Variants in MRAP2 observed in about 807,000 individuals in gnomAD.
The protein encoded by MRAP2 is melanocortin-2 receptor accessory protein 2.
MRAP2 carries 20 observed loss-of-function variants against 17.4 expected under a neutral mutation model. That is an observed-to-expected ratio of 1.15 (90% CI 0.81 to 1.67). The LOEUF is 1.67. Among genes scored for constraint, MRAP2 ranks in the 40% most tolerant of loss-of-function variants. The pLI, the probability that MRAP2 is intolerant of heterozygous loss-of-function variation, is 0.00. For synonymous variants in MRAP2, 96 were observed against 88.4 expected, an observed-to-expected ratio of 1.09 and a Z score of -0.48; for missense variants, 238 against 240.0, an observed-to-expected ratio of 0.99 and a Z score of 0.05.
chr6:84,111,091 T>G, the MRAP2 span, among the ~76,000 whole-genome samples: 1 of 152,238 alleles, frequency 6.6e-6, no homozygotes, highest in African/African-American at 2.4e-5. Flanking sequence ...TGAGCTGTTT[T>G]TTTGGTTCCC....
At chr6:84,093,228 A>G (rs180870881), downstream of MRAP2, among the ~76,000 whole-genome samples, 4 of 151,548 alleles carry the variant, frequency 2.6e-5, no homozygotes, top group Admixed American at 6.6e-5. Flanking sequence ...ATCACCAAAC[A>G]TAGGAGCAAA....
At chr6:84,136,794 A>G in the MRAP2 span, among the ~76,000 whole-genome samples, 29 of 152,236 alleles carry the variant, frequency 1.9e-4, no homozygotes, top group Non-Finnish European at 3.5e-4. Flanking sequence ...TAAAGACACT[A>G]GAAGTGGCTA....
chr6:84,080,427 T>G (rs1391702183), intron 3 of MRAP2, among the ~76,000 whole-genome samples: 1 of 152,238 alleles, frequency 6.6e-6, no homozygotes, highest in Non-Finnish European at 1.5e-5. Context: ...AAGTCATCAC[T>G]GATGAATCAT....
At chr6:84,139,156 G>C in the MRAP2 span, among the ~76,000 whole-genome samples, 2 of 152,162 alleles carry the variant, frequency 1.3e-5, no homozygotes, top group South Asian at 4.1e-4. Flanking sequence ...CTAAAAGTAG[G>C]AAATACATTT....
chr6:84,059,753 C>T (rs959147315), intron 2 of MRAP2, among the ~76,000 whole-genome samples: 1 of 152,170 alleles, frequency 6.6e-6, no homozygotes, highest in Non-Finnish European at 1.5e-5. Context: ...AGTGTGGTAG[C>T]TTGGCGGTGG....
intron 3 of MRAP2, among the ~76,000 whole-genome samples, chr6:84,064,969 A>G (rs1478821810): frequency 6.6e-6 from 1 of 152,120 alleles, no homozygotes; most frequent in African/African-American, 2.4e-5. Flanking sequence ...CTATTTCTAG[A>G]TATCAGGGGC....
chr6:84,107,673 T>G, the MRAP2 span, among the ~76,000 whole-genome samples: 1 of 152,204 alleles, frequency 6.6e-6, no homozygotes, highest in Non-Finnish European at 1.5e-5. Context: ...TGTGATACAG[T>G]GCTGGAGGGT....
intron 3 of MRAP2, among the ~76,000 whole-genome samples, chr6:84,073,190 G>C (rs766919662): frequency 6.6e-6 from 1 of 152,160 alleles, no homozygotes; most frequent in Non-Finnish European, 1.5e-5. Flanking sequence ...TGGCCGCCCT[G>C]CCTATATATT....
At chr6:84,110,324 A>C in the MRAP2 span, among the ~76,000 whole-genome samples, 19 of 152,220 alleles carry the variant, frequency 1.2e-4, 1 homozygote, top group East Asian at 7.7e-4. Context: ...TTTGATTTGC[A>C]TTTCTCTAAT....
the MRAP2 span, among the ~76,000 whole-genome samples, chr6:84,122,681 G>A: frequency 6.6e-6 from 1 of 152,108 alleles, no homozygotes; most frequent in African/African-American, 2.4e-5. Flanking sequence ...AGACGAGAAT[G>A]TGCACTCTCA....
the MRAP2 span, among the ~76,000 whole-genome samples, chr6:84,097,009 T>A: frequency 2.0e-5 from 3 of 152,256 alleles, no homozygotes; most frequent in Admixed American, 1.3e-4. Flanking sequence ...GTAAGCCTAC[T>A]ATGAGAACTT....
chr6:84,122,213 TATAA>T, the MRAP2 span, among the ~76,000 whole-genome samples: 1 of 152,014 alleles, frequency 6.6e-6, no homozygotes, highest in Non-Finnish European at 1.5e-5. Flanking sequence ...AAACTCATTC[TATAA>T]ATACAGTGTC....
chr6:84,064,207 C>G (rs2099493935), intron 3 of MRAP2, among the ~76,000 whole-genome samples: 1 of 150,912 alleles, frequency 6.6e-6, no homozygotes, highest in African/African-American at 2.4e-5. Flanking sequence ...ACAGCTGGAA[C>G]CCTGGAGTCT....
chr6:84,058,690 T>C (rs917263438), intron 2 of MRAP2, among the ~76,000 whole-genome samples: 1 of 152,082 alleles, frequency 6.6e-6, no homozygotes, highest in Non-Finnish European at 1.5e-5. Context: ...CGCTTGTGTT[T>C]AGAAGTTGGA....
chr6:84,047,265 A>T (rs1411519149), intron 1 of MRAP2, among the ~76,000 whole-genome samples: 1 of 152,080 alleles, frequency 6.6e-6, no homozygotes, highest in Non-Finnish European at 1.5e-5. Context: ...ATCTCAGCTC[A>T]CTGCAGTCTC....
chr6:84,140,183 CTT>C, the MRAP2 span, among the ~76,000 whole-genome samples: 1 of 152,146 alleles, frequency 6.6e-6, no homozygotes, highest in South Asian at 2.1e-4. Context: ...GTGGTGTTCT[CTT>C]TGTTTGATGC....
At chr6:84,085,812 G>C (rs1375264174) in intron 3 of MRAP2, among the ~76,000 whole-genome samples, 1 of 152,130 alleles carries the variant, frequency 6.6e-6, no homozygotes, top group Admixed American at 6.5e-5. Flanking sequence ...GGAAGAGCTT[G>C]CCAAAAACAG....
At chr6:84,045,110 A>G in intron 1 of MRAP2, 1 of 488,918 alleles carries the variant, frequency 2.0e-6, no homozygotes, top group Non-Finnish European at 2.7e-6. Context: ...CAAATACTAC[A>G]CCATTTTATA....
Position 84,050,364 on chromosome 6 carries a change from A to G in MRAP2, c.-7-4948A>G, listed in dbSNP as rs72907688. The stretch of plus-strand genomic sequence containing the variant: ...GGCAGCTTTGAGAGGGTCAAGCATG[A>G]TCCCTTGCTGGGAGGCATTGCCTTA... On this transcript the variant is annotated intron_variant, in intron 1 of 3. Coordinates refer to ENST00000257776, the MANE Select transcript of MRAP2 (RefSeq NM_138409.4). Among the ~76,000 whole-genome samples the G allele has an allele frequency of 3.2e-3, 494 of 152,270 alleles. 1 individual carries two copies. The highest frequency in any genetic ancestry group is 5.5e-3 in the Non-Finnish European group (373 of 68,022).
Sources: gnomAD v4.1 joint callset for allele counts (sites outside exome capture counted in the v4.1 genomes callset) on GRCh38, gnomAD v4.1.1 for gene constraint, MANE v1.5 for transcripts, NCBI Gene and HGNC (gene_info 2026-07-23, HGNC 2026-07-21) for gene names.